The following OR2T6 variants were observed in gnomAD, a reference collection of about 807,000 sequenced individuals.
OR2T6 encodes olfactory receptor 2T6.
For synonymous variants in OR2T6, 174 were observed against 148.0 expected (o/e 1.18, Z -1.27); for missense variants, 424 against 391.6 (o/e 1.08, Z -0.70).
intron 1 of OR2T6, among the ~76,000 whole-genome samples, chr1:248,376,851 TTATGTC>T (rs1415497058): frequency 6.6e-6 from 1 of 152,188 alleles, no homozygotes. Flanking sequence ...GTTGCCATCT[TTATGTC>T]TATGAGTATA....
In OR2T6 at chr1:248,388,150, C is replaced by A; in HGVS notation, c.542C>A (p.Ala181Glu). 3.7e-6 allele frequency: 6 copies of A among 1,613,896 alleles called. No individual in the cohort carries two copies. The highest frequency in any genetic ancestry group is 5.1e-6 in the Non-Finnish European group (6 of 1,179,992). Residue 181 changes from alanine to glutamate, a missense_variant, in exon 3 of 3, where the codon GCA becomes GAA. Ala to Glu is a moderately radical substitution (Grantham distance 107). Coordinates refer to ENST00000641644, the MANE Select transcript of OR2T6 (RefSeq NM_001005471.2). ...SHQINHFFCE[A>E]PTMLRLACGD... ...CAAATCAATCACTTTTTCTGTGAGGCACCCACCATGCTGAGGCTGGCCTGT... is the reference window on the plus strand; with the variant it reads ...CAAATCAATCACTTTTTCTGTGAGGAACCCACCATGCTGAGGCTGGCCTGT...
Position 248,388,547 on chromosome 1 carries a change from T to G in OR2T6, c.*12T>G, listed in dbSNP as rs570065297. ...TGGCAAGATGTTAGGGGACATGTGG[T>G]GTGATGAGGAAAGAATTCTGATGGT... On this transcript the variant is annotated 3_prime_UTR_variant, in exon 3 of 3. Coordinates refer to ENST00000641644, the MANE Select transcript of OR2T6 (RefSeq NM_001005471.2). The G allele has an allele frequency of 5.8e-6, 9 of 1,541,528 alleles. No homozygotes were observed. In the African/African-American group the frequency reaches 1.2e-4, roughly 21 times the overall value.
At chr1:248,378,549 T>A (rs2103067556) in intron 1 of OR2T6, among the ~76,000 whole-genome samples, 1 of 128,740 alleles carries the variant, frequency 7.8e-6, no homozygotes, top group East Asian at 1.9e-4. Context: ...ATATGTGGGT[T>A]TTTTTGTATT....
At position 248,389,450 on chromosome 1, in the gene OR2T6, T is replaced by C. The variant is rs1558308847; in HGVS notation, c.*915T>C. 1 of 152,198 alleles carries C rather than the reference T, an allele frequency of 6.6e-6. No homozygotes were observed. The highest frequency in any genetic ancestry group is 1.5e-5 in the Non-Finnish European group (1 of 68,034). 9.4% of individuals were successfully genotyped at this position (152,198 alleles called of 1,614,324 possible). ...TTTTGCATTGGATAGCATTGCAAAG[T>C]GGGAAGGAAATACCCAGCTTTTCAT... On this transcript the variant is annotated 3_prime_UTR_variant, in exon 3 of 3. Transcript: ENST00000641644.
In OR2T6 at chr1:248,387,662, C is replaced by A. The variant is rs1304565180; in HGVS notation, c.54C>A (p.Phe18Leu). 6.2e-7 allele frequency: 1 copy of A among 1,612,460 alleles called. No homozygotes were observed. ...GAGGCTTTACCCTCATGGGGCTCTT[C>A]ACTCACAATAAATGCTCAGGATTCT... ...LTRGFTLMGL[F>L]THNKCSGFFF... Residue 18 changes from phenylalanine (F) to leucine (L), a missense_variant, in exon 3 of 3, where the codon TTC (phenylalanine) becomes TTA (leucine). Physicochemically the swap from Phe to Leu is conservative, Grantham distance 22 (BLOSUM62 0). Transcript: ENST00000641644.
At chr1:248,377,166 G>C (rs1660951020) in intron 1 of OR2T6, among the ~76,000 whole-genome samples, 1 of 152,200 alleles carries the variant, frequency 6.6e-6, no homozygotes, top group Admixed American at 6.5e-5. Flanking sequence ...AAGGGACCAA[G>C]TGGCCTACAT....
chr1:248,379,608 TATTC>T (rs1660999033), intron 1 of OR2T6, among the ~76,000 whole-genome samples: 1 of 152,228 alleles, frequency 6.6e-6, no homozygotes, highest in Non-Finnish European at 1.5e-5. Flanking sequence ...CAATAATTAA[TATTC>T]ATTTGGGAAA....
chr1:248,382,083 T>G (rs888656389), intron 1 of OR2T6, among the ~76,000 whole-genome samples: 1 of 152,272 alleles, frequency 6.6e-6, no homozygotes, highest in East Asian at 1.9e-4. Context: ...TCAGTATCCG[T>G]GGCCACACAA....
chr1:248,385,622 G>A (rs1661124222), intron 2 of OR2T6, among the ~76,000 whole-genome samples: 1 of 152,178 alleles, frequency 6.6e-6, no homozygotes, highest in African/African-American at 2.4e-5. Flanking sequence ...TAACTCACAA[G>A]ACAATGCACA....
intron 1 of OR2T6, among the ~76,000 whole-genome samples, chr1:248,378,343 C>T (rs768313512): frequency 5.9e-5 from 9 of 152,172 alleles, no homozygotes; most frequent in Non-Finnish European, 1.2e-4. Context: ...TAAAGAGACT[C>T]AAACATCATA....
intron 1 of OR2T6, among the ~76,000 whole-genome samples, chr1:248,382,558 A>C (rs1240836601): frequency 1.7e-5 from 2 of 117,864 alleles, no homozygotes; most frequent in East Asian, 5.9e-4. Flanking sequence ...TTTTAGATGG[A>C]GACTTGCTTT....
Position 248,387,676 on chromosome 1 carries a change from G to T in OR2T6, c.68G>T (p.Cys23Phe), listed in dbSNP as rs114783918. 1.3e-3 allele frequency: 2,085 copies of T among 1,613,444 alleles called. 15 individuals carry two copies. The African/African-American group carries it at 0.022, about 17-fold the overall frequency. Residue 23 changes from cysteine to phenylalanine, a missense_variant, in exon 3 of 3, where the codon TGC (cysteine) becomes TTC (phenylalanine). Cys to Phe is a radical substitution (Grantham distance 205). Coordinates refer to ENST00000641644, the MANE Select transcript of OR2T6 (RefSeq NM_001005471.2). ...ATGGGGCTCTTCACTCACAATAAAT[G>T]CTCAGGATTCTTTTTCGGTGTCATT... ...TLMGLFTHNKCSGFFFGVICA... is the reference protein window; with the variant it reads ...TLMGLFTHNKFSGFFFGVICA...
chr1:248,389,627 T>G lies in OR2T6; in HGVS notation c.*1092T>G, dbSNP rs1333390768. ...ATCACAAAAGCCACCATGAGCTACA[T>G]AGAGTTCCCAAGGGGGCAACTCTCC... On this transcript the variant is annotated 3_prime_UTR_variant, in exon 3 of 3. Coordinates refer to ENST00000641644, the MANE Select transcript of OR2T6 (RefSeq NM_001005471.2). 1 of 152,214 alleles carries G rather than the reference T, an allele frequency of 6.6e-6. No homozygotes were observed. The highest frequency in any genetic ancestry group is 1.5e-5 in the Non-Finnish European group (1 of 68,038). The allele number at this position is 152,214 out of a possible 1,614,324, so 9.4% of individuals were successfully genotyped here.
chr1:248,382,532 C>CTTTTT (rs773197375), intron 1 of OR2T6, among the ~76,000 whole-genome samples: 19 of 117,290 alleles, frequency 1.6e-4, no homozygotes, highest in East Asian at 4.8e-4. Context: ...ACCTTTCTTT[C>CTTTTT]TTTCTTTTTT....
intron 1 of OR2T6, among the ~76,000 whole-genome samples, chr1:248,378,118 T>A (rs1660968799): frequency 6.6e-6 from 1 of 152,168 alleles, no homozygotes; most frequent in Non-Finnish European, 1.5e-5. Flanking sequence ...TTATTCCCAC[T>A]TCATACTATT....
In OR2T6 at chr1:248,390,280, GT is replaced by G. The variant is rs1317913197; in HGVS notation, c.*1748del. ...AGTGGCTAAGAACTGGAGAAAAAAT[GT>G]TTGGCCTAAACTGTAGACACAGTAG... is the stretch of plus-strand genomic sequence containing the variant. On this transcript the variant is annotated 3_prime_UTR_variant, in exon 3 of 3. Transcript: ENST00000641644. 6.6e-6 allele frequency: 1 copy of G among 152,140 alleles called. No homozygotes were observed. The allele number at this position is 152,140 out of a possible 1,614,324, so 9.4% of individuals were successfully genotyped here.
Position 248,388,547 on chromosome 1 carries a change from T to C in OR2T6, c.*12T>C. 1.3e-6 allele frequency: 2 copies of C among 1,541,528 alleles called. No homozygotes were observed. On this transcript the variant is annotated 3_prime_UTR_variant, in exon 3 of 3. Coordinates refer to ENST00000641644, the MANE Select transcript of OR2T6 (RefSeq NM_001005471.2). ...TGGCAAGATGTTAGGGGACATGTGG[T>C]GTGATGAGGAAAGAATTCTGATGGT...
At chr1:248,382,535 TC>T (rs66763860) in intron 1 of OR2T6, among the ~76,000 whole-genome samples, 53,997 of 114,050 alleles carry the variant, frequency 0.47, 12,882 homozygotes, top group Non-Finnish European at 0.53. Flanking sequence ...TTTCTTTCTT[TC>T]TTTTTTTTTT....
At chr1:248,386,814 T>C (rs555266274) in intron 2 of OR2T6, among the ~76,000 whole-genome samples, 31 of 152,234 alleles carry the variant, frequency 2.0e-4, no homozygotes, top group Non-Finnish European at 3.5e-4. Context: ...TTCACATGAA[T>C]TTTCTTTTAT....
Sources: gnomAD v4.1 joint callset for allele counts (sites outside exome capture counted in the v4.1 genomes callset) on GRCh38, gnomAD v4.1.1 for gene constraint, MANE v1.5 for transcripts, NCBI Gene and HGNC (gene_info 2026-07-23, HGNC 2026-07-21) for gene names.